Variants in NRIP2 observed in about 807,000 individuals in gnomAD.
NRIP2 encodes the protein nuclear receptor-interacting protein 2.
NRIP2 carries 27 observed loss-of-function variants against 34.1 expected under a neutral mutation model. The observed-to-expected ratio is 0.79, with a 90% CI of 0.58 to 1.09. The LOEUF (loss-of-function observed/expected upper bound fraction) is 1.09. Among genes scored for constraint, NRIP2 ranks in the 50% least tolerant of loss-of-function variants. NRIP2 has a pLI of 0.00. For missense variants in NRIP2, 385 were observed against 352.6 expected (o/e 1.09, Z -0.74); for synonymous variants, 145 against 146.9 (o/e 0.99, Z 0.09).
Position 2,827,811 on chromosome 12 carries a change from T to G in NRIP2, c.700+115A>C. The G allele has an allele frequency of 6.2e-7, 1 of 1,602,816 alleles. No individual in the cohort carries two copies. The highest frequency in any genetic ancestry group is 1.7e-5 in the Admixed American group (1 of 59,460). On this transcript the variant is annotated intron_variant, in intron 4 of 5. Coordinates refer to ENST00000337508, the MANE Select transcript of NRIP2 (RefSeq NM_031474.3). This position sits in a 1 kb window ranked among gnomAD's most constrained non-coding sequence, Gnocchi z 4.0. ...ACACTGGCACAGAGATGGGGGATAGTCAGAACATCTCTGGGAACTCCTCGT... is the reference window on the plus strand; with the variant it reads ...ACACTGGCACAGAGATGGGGGATAGGCAGAACATCTCTGGGAACTCCTCGT...
chr12:2,833,977 G>C (rs975889437), intron 1 of NRIP2, among the ~76,000 whole-genome samples: 1 of 152,198 alleles, frequency 6.6e-6, no homozygotes, highest in Non-Finnish European at 1.5e-5. Flanking sequence ...AGAGGGGAAT[G>C]CCTGAATCTG....
chr12:2,834,345 G>A (rs1418540493), intron 1 of NRIP2, among the ~76,000 whole-genome samples: 1 of 152,182 alleles, frequency 6.6e-6, no homozygotes, highest in Non-Finnish European at 1.5e-5. Context: ...GGGTTCCTGT[G>A]TTCCTGTAAG....
intron 1 of NRIP2, 134 bp from the exon 2 acceptor site, chr12:2,830,994 C>T: frequency 7.0e-6 from 6 of 852,898 alleles, no homozygotes; most frequent in South Asian, 3.7e-5. Context: ...GGAGTTTACC[C>T]TAGGGTCCCA....
chr12:2,830,094 T>A (rs1253608999), intron 2 of NRIP2: 3 of 151,932 alleles, frequency 2.0e-5, no homozygotes, highest in African/African-American at 7.3e-5. Context: ...ATTTTTTTTT[T>A]TAAAAAAAGG....
In NRIP2 at chr12:2,827,777, G is replaced by A; in HGVS notation, c.701-100C>T. The A allele has an allele frequency of 6.2e-7, 1 of 1,607,310 alleles. No homozygotes were observed. The highest frequency in any genetic ancestry group is 1.1e-5 in the South Asian group (1 of 90,240). On this transcript the variant is annotated intron_variant, in intron 4 of 5. Coordinates refer to ENST00000337508, the MANE Select transcript of NRIP2 (RefSeq NM_031474.3). The surrounding 1 kb of genome is among the most constrained non-coding windows in gnomAD (Gnocchi z 4.0). ...TCCTTCTCTGCCCACCCCATCCCCAGATCCGAGGACACTGGCACAGAGATG... is the reference window on the plus strand; with the variant it reads ...TCCTTCTCTGCCCACCCCATCCCCAAATCCGAGGACACTGGCACAGAGATG...
intron 2 of NRIP2, 46 bp downstream of exon 2, chr12:2,830,662 G>T (rs1242773029): frequency 3.2e-6 from 5 of 1,568,622 alleles, no homozygotes; most frequent in Non-Finnish European, 4.3e-6. Flanking sequence ...TGAAGTGAGT[G>T]CAGGCAGGGT....
chr12:2,827,621 T>C lies in NRIP2; in HGVS notation c.753+4A>G. The C allele has an allele frequency of 6.2e-7, 1 of 1,614,184 alleles. No homozygotes were observed. Among genetic ancestry groups the C allele is most frequent in the African/African-American group, 1.3e-5 (1 of 75,034 alleles). ...TTGGGTCAGGCCCTGAGTGGGTGCCTTACCTTGAGAGAAAGCAGAGTCTGC... is the reference window on the plus strand; with the variant it reads ...TTGGGTCAGGCCCTGAGTGGGTGCCCTACCTTGAGAGAAAGCAGAGTCTGC... On this transcript the variant is annotated splice_donor_region_variant and intron_variant, in intron 5 of 5. Coordinates refer to ENST00000337508, the MANE Select transcript of NRIP2 (RefSeq NM_031474.3). This position sits in a 1 kb window ranked among gnomAD's most constrained non-coding sequence, Gnocchi z 4.0.
Position 2,834,822 on chromosome 12 carries a change from C to T in NRIP2, c.162G>A (p.Lys54=). ...PTPPAGAMST[K]QEARRDEGEA... ...CTCCCTCATCTCTCCTGGCCTCCTGCTTGGTGCTCATGGCCCCTGCTGGAG... is the reference window on the plus strand; with the variant it reads ...CTCCCTCATCTCTCCTGGCCTCCTGTTTGGTGCTCATGGCCCCTGCTGGAG... Residue 54 remains lysine (K), a synonymous_variant, in exon 1 of 6, where the codon AAG becomes AAA. Transcript: ENST00000337508. 1 of 1,613,804 alleles carries T rather than the reference C, an allele frequency of 6.2e-7. No individual in the cohort carries two copies.
chr12:2,826,288 A>G lies in NRIP2; in HGVS notation c.*919T>C, dbSNP rs2097966500. 1 of 152,118 alleles carries G rather than the reference A, an allele frequency of 6.6e-6. No homozygotes were observed. Among genetic ancestry groups the G allele is most frequent in the South Asian group, 2.1e-4 (1 of 4,816 alleles). 9.4% of individuals were successfully genotyped at this position (152,118 alleles called of 1,614,324 possible). On this transcript the variant is annotated 3_prime_UTR_variant, in exon 6 of 6. Transcript: ENST00000337508. ...AAGCCACTGATTCCAGGACAATACA[A>G]GCTTAAGCTCAAGAGGCCAGAGATG...
intron 1 of NRIP2, among the ~76,000 whole-genome samples, chr12:2,831,657 T>C (rs993972141): frequency 1.3e-5 from 2 of 152,168 alleles, no homozygotes; most frequent in African/African-American, 4.8e-5. Context: ...GTCCCTCATC[T>C]ACAACCACTC....
At chr12:2,830,928 C>A (rs1603484299) in intron 1 of NRIP2, 68 bp from the exon 2 acceptor site, 1 of 1,544,198 alleles carries the variant, frequency 6.5e-7, no homozygotes, top group Admixed American at 1.8e-5. Flanking sequence ...CTCAGTTACC[C>A]CACTTAGATA....
rs913367200 is a variant in NRIP2 at position 2,827,990 on chromosome 12, G to A, written c.636C>T (p.Thr212=). ...SAGDLAPGPP[T]QVEQLELQLG... ...GCTGTAGCTCCAACTGCTCCACCTGGGTTGGGGGCCCAGGGGCCAGGTCCC... is the reference window on the plus strand; with the variant it reads ...GCTGTAGCTCCAACTGCTCCACCTGAGTTGGGGGCCCAGGGGCCAGGTCCC... Residue 212 remains threonine, a synonymous_variant, in exon 4 of 6, where the codon ACC becomes ACT. Coordinates refer to ENST00000337508, the MANE Select transcript of NRIP2 (RefSeq NM_031474.3). This position sits in a 1 kb window ranked among gnomAD's most constrained non-coding sequence, Gnocchi z 4.0. 1.9e-6 allele frequency: 3 copies of A among 1,614,096 alleles called. No homozygotes were observed. Among genetic ancestry groups the A allele is most frequent in the African/African-American group, 2.7e-5 (2 of 74,942 alleles).
At chr12:2,829,124 T>A (rs1188140141) in intron 2 of NRIP2, among the ~76,000 whole-genome samples, 1 of 152,042 alleles carries the variant, frequency 6.6e-6, no homozygotes, top group Non-Finnish European at 1.5e-5. Context: ...GAAACGGTGA[T>A]TTGTTTGTTT....
intron 1 of NRIP2, among the ~76,000 whole-genome samples, chr12:2,831,198 A>G (rs1458859348): frequency 6.6e-6 from 1 of 151,430 alleles, no homozygotes; most frequent in Non-Finnish European, 1.5e-5. Context: ...TTTTTTTTTA[A>G]CTAGGAGGGT....
rs1446758885 is a variant in NRIP2, at chr12:2,827,074, G to A, written c.*133C>T. 2 of 1,502,012 alleles carry A rather than the reference G, an allele frequency of 1.3e-6. No homozygotes were observed. The highest frequency in any genetic ancestry group is 2.6e-5 in the East Asian group (1 of 39,154). 93.0% of individuals were successfully genotyped at this position (1,502,012 alleles called of 1,614,324 possible). ...GCGGCCAGCTGGGGAAAATGGGACA[G>A]CAGGGGTCAGGGAGGTGATTGGAAG... On this transcript the variant is annotated 3_prime_UTR_variant, in exon 6 of 6. Transcript: ENST00000337508. The surrounding 1 kb of genome is among the most constrained non-coding windows in gnomAD (Gnocchi z 4.0).
At position 2,828,354 on chromosome 12, in the gene NRIP2, C is replaced by T. The variant is rs752221715; in HGVS notation, c.556G>A (p.Ala186Thr). ...TACCCCAGGCGGCTGAGACATCCAG[C>T]AGAGATCCGATTGTATTGGGTGCCT... The part of the protein sequence containing the change: ...DTGTQYNRIS[A>T]GCLSRLGLEK... The change falls in exon 3 of 6, where the codon GCT becomes ACT. Residue 186 changes from alanine (A) to threonine (T), a missense_variant. By Grantham distance (58) the Ala-to-Thr change is moderately conservative. Transcript: ENST00000337508. 6 of 1,614,060 alleles carry T rather than the reference C, an allele frequency of 3.7e-6. No individual in the cohort carries two copies. Among genetic ancestry groups the T allele is most frequent in the South Asian group, 2.2e-5 (2 of 91,086 alleles).
At position 2,828,115 on chromosome 12, in the gene NRIP2, G is replaced by C. The variant is rs2097978644; in HGVS notation, c.579-68C>G. On this transcript the variant is annotated intron_variant, in intron 3 of 5. Transcript: ENST00000337508. ...AGGGTTCCACCCCATTAATCAGCAG[G>C]TGTCCCTCTCTACTATGGTTTCATC... 6 of 1,437,810 alleles carry C rather than the reference G, an allele frequency of 4.2e-6. No homozygotes were observed. The Admixed American group carries it at 1.1e-4, about 27-fold the overall frequency. The allele number at this position is 1,437,810 out of a possible 1,614,324, so 89.1% of individuals were successfully genotyped here. A position where few individuals can be genotyped will look rare whatever the true frequency, so the allele number is the denominator to read the frequency against.
Position 2,827,398 on chromosome 12 carries a change from C to T in NRIP2, c.754-99G>A. ...CCCTCCCACTTCCCACAGCTTCCACCTGCCTTTTGCTCTTCCCCCATCCCC... is the reference window on the plus strand; with the variant it reads ...CCCTCCCACTTCCCACAGCTTCCACTTGCCTTTTGCTCTTCCCCCATCCCC... On this transcript the variant is annotated intron_variant, in intron 5 of 5. Coordinates refer to ENST00000337508, the MANE Select transcript of NRIP2 (RefSeq NM_031474.3). The surrounding 1 kb of genome is among the most constrained non-coding windows in gnomAD (Gnocchi z 4.0). 6.6e-7 allele frequency: 1 copy of T among 1,522,788 alleles called. No homozygotes were observed. The highest frequency in any genetic ancestry group is 8.8e-7 in the Non-Finnish European group (1 of 1,141,958). The allele number at this position is 1,522,788 out of a possible 1,614,324, so 94.3% of individuals were successfully genotyped here.
intron 2 of NRIP2, among the ~76,000 whole-genome samples, chr12:2,829,793 A>T (rs920143984): frequency 1.3e-5 from 2 of 148,298 alleles, no homozygotes; most frequent in African/African-American, 5.0e-5. Context: ...GGACCGGAAA[A>T]GTCGAGGGGT....
Sources: gnomAD v4.1 joint callset for allele counts (sites outside exome capture counted in the v4.1 genomes callset) on GRCh38, gnomAD v4.1.1 for gene constraint, Gnocchi (gnomAD v3.1) non-coding constraint, MANE v1.5 for transcripts, NCBI Gene and HGNC (gene_info 2026-07-23, HGNC 2026-07-21) for gene names.